Variants in CADM1 observed in about 807,000 individuals in gnomAD.
The protein encoded by CADM1 is TSLC-1.
A neutral mutation model predicts 53.1 loss-of-function variants in CADM1; 15 were observed. The ratio of observed to expected loss-of-function variants is 0.28; its 90% CI spans 0.19 to 0.44. The LOEUF is 0.44. Ranked by LOEUF, CADM1 falls within the 20% of genes least tolerant of loss-of-function variation. CADM1 has a pLI of 1.00. For missense variants in CADM1, 434 were observed against 611.3 expected (o/e 0.71, Z 3.06); for synonymous variants, 281 against 243.0 (o/e 1.16, Z -1.45).
At chr11:115,340,441 C>G (rs1945397434) in intron 1 of CADM1, among the ~76,000 whole-genome samples, 2 of 139,412 alleles carry the variant, frequency 1.4e-5, no homozygotes, top group Admixed American at 1.5e-4. Flanking sequence ...CTAGAATTGG[C>G]AATGCTAAGA....
intron 1 of CADM1, among the ~76,000 whole-genome samples, chr11:115,284,588 TAC>T (rs1169027115): frequency 1.3e-5 from 2 of 152,186 alleles, no homozygotes; most frequent in African/African-American, 4.8e-5. Context: ...CATGAAAGTT[TAC>T]ATACTGTAAC....
At chr11:115,442,670 G>T (rs1948346986) in intron 1 of CADM1, among the ~76,000 whole-genome samples, 1 of 152,140 alleles carries the variant, frequency 6.6e-6, no homozygotes, top group South Asian at 2.1e-4. Flanking sequence ...AACTGCTAGG[G>T]TTTTTTGCTG....
At chr11:115,206,784 TTTTTTA>T (rs1940716365) in intron 8 of CADM1, among the ~76,000 whole-genome samples, 1 of 137,528 alleles carries the variant, frequency 7.3e-6, no homozygotes. Context: ...TTTTTTTTTT[TTTTTTA>T]AGCTCAGGCT....
At chr11:115,329,157 A>C (rs1444266820) in intron 1 of CADM1, among the ~76,000 whole-genome samples, 1 of 152,100 alleles carries the variant, frequency 6.6e-6, no homozygotes, top group African/African-American at 2.4e-5. Context: ...CTCTACCTGC[A>C]AGTTTTCTAG....
Position 115,209,664 on chromosome 11 carries a change from A to G in CADM1, c.995-7T>C, listed in dbSNP as rs776700285. The G allele has an allele frequency of 2.5e-6, 4 of 1,612,278 alleles. No homozygotes were observed. The highest frequency in any genetic ancestry group is 3.4e-6 in the Non-Finnish European group (4 of 1,179,518). On this transcript the variant is annotated splice_region_variant and splice_polypyrimidine_tract_variant and intron_variant, in intron 7 of 11. Coordinates refer to ENST00000331581, the MANE Select transcript of CADM1 (RefSeq NM_001301043.2). ...GGGATAGTTGTGGGGGGATCTGGAT[A>G]GAAAAAAAAAGGAAAATCAAACCCA... is the stretch of plus-strand genomic sequence containing the variant.
At chr11:115,347,823 G>A (rs1470762315) in intron 1 of CADM1, among the ~76,000 whole-genome samples, 2 of 152,122 alleles carry the variant, frequency 1.3e-5, no homozygotes, top group Non-Finnish European at 2.9e-5. Context: ...TACATCCAAA[G>A]TAGGATTCAG....
chr11:115,202,384 C>T (rs1462909974), intron 8 of CADM1, among the ~76,000 whole-genome samples: 2 of 151,958 alleles, frequency 1.3e-5, no homozygotes, highest in African/African-American at 4.8e-5. Context: ...CAACGGGTGC[C>T]ATAAATGAAA....
intron 8 of CADM1, among the ~76,000 whole-genome samples, chr11:115,199,856 G>C (rs569262030): frequency 6.6e-6 from 1 of 152,326 alleles, no homozygotes; most frequent in South Asian, 2.1e-4. Context: ...TATTTAGCTG[G>C]CAATTGCTTT....
intron 10 of CADM1, among the ~76,000 whole-genome samples, chr11:115,182,624 CTG>C (rs1939363921): frequency 6.6e-6 from 1 of 152,164 alleles, no homozygotes; most frequent in Middle Eastern, 3.2e-3. Context: ...TTGTGTATCG[CTG>C]TGTCACCCTT....
At chr11:115,378,187 T>C (rs952431974) in intron 1 of CADM1, among the ~76,000 whole-genome samples, 4 of 152,180 alleles carry the variant, frequency 2.6e-5, no homozygotes, top group Admixed American at 1.3e-4. Flanking sequence ...ATTTATGGAC[T>C]CTGCTATTGT....
chr11:115,416,469 T>C (rs974300972), intron 1 of CADM1, among the ~76,000 whole-genome samples: 1 of 152,120 alleles, frequency 6.6e-6, no homozygotes, highest in Non-Finnish European at 1.5e-5. Flanking sequence ...AGTATTCTTG[T>C]AGACTCTCCT....
At chr11:115,464,716 A>T (rs1344082023) in intron 1 of CADM1, among the ~76,000 whole-genome samples, 2 of 152,240 alleles carry the variant, frequency 1.3e-5, no homozygotes, top group Non-Finnish European at 2.9e-5. Context: ...AGAGAAAAAG[A>T]AAACAATTTA....
intron 1 of CADM1, among the ~76,000 whole-genome samples, chr11:115,484,135 C>CTG (rs1949317129): frequency 6.6e-6 from 1 of 152,160 alleles, no homozygotes; most frequent in Non-Finnish European, 1.5e-5. Flanking sequence ...CACATTAGGC[C>CTG]TGAGCTACAC....
At chr11:115,486,974 T>C (rs7939967) in intron 1 of CADM1, among the ~76,000 whole-genome samples, 1 of 152,092 alleles carries the variant, frequency 6.6e-6, no homozygotes, top group African/African-American at 2.4e-5. Context: ...GTGGCCACAG[T>C]CCCACCTTCC....
intron 1 of CADM1, among the ~76,000 whole-genome samples, chr11:115,295,543 T>TATATATA (rs199841250): frequency 1.4e-5 from 1 of 72,418 alleles, no homozygotes. Context: ...TATATATATA[T>TATATATA]ATATATAATA....
At chr11:115,219,861 T>C (rs928571431) in intron 5 of CADM1, among the ~76,000 whole-genome samples, 15 of 151,852 alleles carry the variant, frequency 9.9e-5, no homozygotes, top group African/African-American at 3.1e-4. Context: ...ACAAAAAAAA[T>C]GAAAGAAGAA....
intron 1 of CADM1, among the ~76,000 whole-genome samples, chr11:115,329,203 T>C (rs1945066486): frequency 6.6e-6 from 1 of 152,070 alleles, no homozygotes. Context: ...TCAATGTTGA[T>C]TAATAATTAG....
At chr11:115,349,215 A>G (rs1945661631) in intron 1 of CADM1, among the ~76,000 whole-genome samples, 1 of 152,236 alleles carries the variant, frequency 6.6e-6, no homozygotes, top group Non-Finnish European at 1.5e-5. Flanking sequence ...TAATGCACAT[A>G]AAGCAAGGTG....
intron 1 of CADM1, among the ~76,000 whole-genome samples, chr11:115,319,831 A>G (rs1192563010): frequency 6.6e-6 from 1 of 152,152 alleles, no homozygotes; most frequent in Non-Finnish European, 1.5e-5. Context: ...TAGATAAACC[A>G]TGTAGATGAT....
Sources: gnomAD v4.1 joint callset for allele counts (sites outside exome capture counted in the v4.1 genomes callset) on GRCh38, gnomAD v4.1.1 for gene constraint, MANE v1.5 for transcripts, NCBI Gene and HGNC (gene_info 2026-07-23, HGNC 2026-07-21) for gene names.